ACTR10: variants seen among roughly 807,000 people sequenced by gnomAD.
ACTR10 encodes actin related protein 10.
In ACTR10, 43 loss-of-function variants were observed where a neutral mutation model predicts 56.2. That is an observed-to-expected ratio of 0.77 (90% CI 0.60 to 0.99). The LOEUF (loss-of-function observed/expected upper bound fraction) is 0.99, where lower values mean the gene tolerates loss of function less well. Among genes scored for constraint, ACTR10 ranks in the 50% least tolerant of loss-of-function variants. ACTR10 has a pLI of 0.00. For synonymous variants in ACTR10, 170 were observed against 176.3 expected, an observed-to-expected ratio of 0.96 and a Z score of 0.28; for missense variants, 466 against 507.8, an observed-to-expected ratio of 0.92 and a Z score of 0.79.
At chr14:58,230,515 C>T in intron 11 of ACTR10, 35 bp downstream of exon 11, 1 of 1,115,952 alleles carries the variant, frequency 9.0e-7, no homozygotes, top group Non-Finnish European at 1.3e-6. Context: ...CCTTTATTAC[C>T]ACAGTCCTTT....
intron 2 of ACTR10, 131 bp downstream of exon 2, chr14:58,203,058 T>C: frequency 1.8e-6 from 1 of 555,922 alleles, no homozygotes; most frequent in Non-Finnish European, 3.0e-6. Context: ...TCCCAACACT[T>C]TGGGTGGCTG....
At chr14:58,206,096 A>G in intron 2 of ACTR10, among the ~76,000 whole-genome samples, 1 of 151,956 alleles carries the variant, frequency 6.6e-6, no homozygotes, top group East Asian at 1.9e-4. Flanking sequence ...AACAATTGGC[A>G]TTACTGTGTT....
chr14:58,200,190 C>T lies in ACTR10; in HGVS notation c.-28C>T, dbSNP rs1394955054. 6 of 1,495,410 alleles carry T rather than the reference C, an allele frequency of 4.0e-6. No homozygotes were observed. The highest frequency in any genetic ancestry group is 1.3e-5 in the South Asian group (1 of 77,372). The allele number at this position is 1,495,410 out of a possible 1,614,324, so 92.6% of individuals were successfully genotyped here. A position where few individuals can be genotyped will look rare whatever the true frequency, so the allele number is the denominator to read the frequency against. ...GACTTGTTGGCCGCGGAGACTGCGACCCTCTTCTCTCAGTCTGCCTTACTA... is the reference window on the plus strand; with the variant it reads ...GACTTGTTGGCCGCGGAGACTGCGATCCTCTTCTCTCAGTCTGCCTTACTA... On this transcript the variant is annotated 5_prime_UTR_variant, in exon 1 of 13. Transcript: ENST00000254286.
chr14:58,208,864 G>T, intron 3 of ACTR10, 135 bp from the exon 4 acceptor site: 2 of 579,886 alleles, frequency 3.4e-6, no homozygotes, highest in South Asian at 2.1e-5. Context: ...TCTTTCTGGG[G>T]TAATAAAATG....
Position 58,200,162 on chromosome 14 carries a change from C to A in ACTR10, c.-56C>A, listed in dbSNP as rs569889056. 1.0e-4 allele frequency: 139 copies of A among 1,358,172 alleles called. No homozygotes were observed. The highest frequency in any genetic ancestry group is 9.8e-4 in the Admixed American group (39 of 39,970). The allele number at this position is 1,358,172 out of a possible 1,614,324, so 84.1% of individuals were successfully genotyped here. A position where few individuals can be genotyped will look rare whatever the true frequency, so the allele number is the denominator to read the frequency against. ...AGCCCCGGCCCCGCCCCGCGAGCGC[C>A]GAGACTTGTTGGCCGCGGAGACTGC... On this transcript the variant is annotated 5_prime_UTR_variant, in exon 1 of 13. Coordinates refer to ENST00000254286, the MANE Select transcript of ACTR10 (RefSeq NM_018477.3).
intron 12 of ACTR10, 81 bp from the exon 13 acceptor site, chr14:58,234,289 T>C: frequency 3.3e-6 from 4 of 1,218,668 alleles, no homozygotes; most frequent in Admixed American, 2.6e-5. Context: ...TTTTGTCATA[T>C]AGTGAAGTAG....
chr14:58,206,483 G>A (rs1234544287), intron 2 of ACTR10, among the ~76,000 whole-genome samples: 2 of 152,020 alleles, frequency 1.3e-5, no homozygotes, highest in Non-Finnish European at 2.9e-5. Flanking sequence ...GCGCCCGAAC[G>A]AGTTTTTATC....
intron 6 of ACTR10, among the ~76,000 whole-genome samples, 188 bp downstream of exon 6, chr14:58,213,886 T>C (rs549421741): frequency 6.6e-6 from 1 of 152,214 alleles, no homozygotes; most frequent in African/African-American, 2.4e-5. Context: ...TTTTAATTTT[T>C]GGGGGTACAT....
intron 11 of ACTR10, chr14:58,231,008 C>T (rs565647940): frequency 2.6e-5 from 7 of 273,174 alleles, no homozygotes; most frequent in South Asian, 1.2e-4. Flanking sequence ...CCGCCCGCCT[C>T]GGCCTCCCAA....
intron 2 of ACTR10, 83 bp downstream of exon 2, chr14:58,203,010 C>T: frequency 9.7e-7 from 1 of 1,033,986 alleles, no homozygotes. Flanking sequence ...TTGATTAAAA[C>T]AGTACTAAAG....
chr14:58,226,543 TAATTTA>T (rs1274077687), intron 10 of ACTR10, among the ~76,000 whole-genome samples: 1 of 152,094 alleles, frequency 6.6e-6, no homozygotes, highest in Non-Finnish European at 1.5e-5. Context: ...CAAACCCAAT[TAATTTA>T]CGTTTACTAA....
intron 8 of ACTR10, among the ~76,000 whole-genome samples, chr14:58,222,136 A>G (rs2140057363): frequency 6.6e-6 from 1 of 152,214 alleles, no homozygotes; most frequent in African/African-American, 2.4e-5. Flanking sequence ...ATATCATATC[A>G]ATATGCATTA....
intron 4 of ACTR10, among the ~76,000 whole-genome samples, chr14:58,210,462 A>G (rs898464302): frequency 2.6e-5 from 4 of 152,078 alleles, no homozygotes; most frequent in African/African-American, 7.2e-5. Flanking sequence ...CACCACTGCA[A>G]TCCAGCCTGG....
rs150561123 is a variant in ACTR10, at chr14:58,201,787, C to G, written c.78-1068C>G. 2.0e-3 allele frequency among the ~76,000 whole-genome samples: 305 copies of G among 152,266 alleles called. 1 individual carries two copies. The highest frequency in any genetic ancestry group is 6.8e-3 in the Middle Eastern group (2 of 294). The stretch of plus-strand genomic sequence containing the variant: ...TTGGAAAGCTGAGGCGGGCTGACCA[C>G]TTGAGCCCAGTAGTTCAAGACCAGC... On this transcript the variant is annotated intron_variant, in intron 1 of 12. Coordinates refer to ENST00000254286, the MANE Select transcript of ACTR10 (RefSeq NM_018477.3).
At chr14:58,203,243 A>G (rs1236143054) in intron 2 of ACTR10, among the ~76,000 whole-genome samples, 1 of 146,828 alleles carries the variant, frequency 6.8e-6, no homozygotes, top group Non-Finnish European at 1.5e-5. Context: ...CGGAGGTTGC[A>G]GTGAGCCAAA....
At chr14:58,224,426 T>A (rs1889351845) in intron 10 of ACTR10, among the ~76,000 whole-genome samples, 1 of 152,130 alleles carries the variant, frequency 6.6e-6, no homozygotes, top group South Asian at 2.1e-4. Flanking sequence ...TTTTGTATTT[T>A]TAGTAGAGAT....
At chr14:58,220,508 G>C (rs1027855307) in intron 8 of ACTR10, among the ~76,000 whole-genome samples, 4 of 152,096 alleles carry the variant, frequency 2.6e-5, no homozygotes, top group Non-Finnish European at 5.9e-5. Flanking sequence ...TCAATCATTT[G>C]TAATGCTTAT....
intron 8 of ACTR10, among the ~76,000 whole-genome samples, chr14:58,221,342 C>T (rs1326953984): frequency 6.6e-6 from 1 of 151,312 alleles, no homozygotes; most frequent in African/African-American, 2.4e-5. Flanking sequence ...CCCTGTAATC[C>T]CAGCACTTTG....
intron 11 of ACTR10, chr14:58,231,067 CT>C: frequency 3.3e-5 from 9 of 276,612 alleles, no homozygotes; most frequent in East Asian, 1.1e-4. Context: ...TTTTTTTTCT[CT>C]TTTTTTGACA....
Sources: gnomAD v4.1 joint callset for allele counts (sites outside exome capture counted in the v4.1 genomes callset) on GRCh38, gnomAD v4.1.1 for gene constraint, MANE v1.5 for transcripts, NCBI Gene and HGNC (gene_info 2026-07-23, HGNC 2026-07-21) for gene names.